The following LMO7 variants were observed in gnomAD, a reference collection of about 807,000 sequenced individuals.
LMO7 encodes the protein LIM domain 7.
Under a neutral mutation model 206.5 loss-of-function variants are expected in LMO7, and 120 were observed. The ratio of observed to expected loss-of-function variants is 0.58; its 90% CI spans 0.50 to 0.68. The LOEUF (loss-of-function observed/expected upper bound fraction) is 0.68. Ranked by LOEUF, LMO7 falls within the 30% of genes least tolerant of loss-of-function variation. The pLI is 0.00. For missense variants in LMO7, 1,959 were observed against 1,957.9 expected, an observed-to-expected ratio of 1.00 and a Z score of -0.01; for synonymous variants, 706 against 681.5, an observed-to-expected ratio of 1.04 and a Z score of -0.56.
chr13:75,667,489 T>C, intron 1 of LMO7, among the ~76,000 whole-genome samples: 1 of 152,236 alleles, frequency 6.6e-6, no homozygotes, highest in East Asian at 1.9e-4. Context: ...TAATTTCTAT[T>C]GATCTGTCTT....
At chr13:75,733,719 C>T (rs189531933) in intron 3 of LMO7, among the ~76,000 whole-genome samples, 8 of 152,344 alleles carry the variant, frequency 5.3e-5, no homozygotes, top group East Asian at 1.9e-4. Context: ...TCTTCTGCGT[C>T]GCTCATGCTG....
intron 4 of LMO7, among the ~76,000 whole-genome samples, chr13:75,786,617 C>T (rs1205497512): frequency 6.6e-6 from 1 of 152,014 alleles, no homozygotes; most frequent in Non-Finnish European, 1.5e-5. Flanking sequence ...GATCTCCTGA[C>T]CTCATGATCT....
At chr13:75,690,102 T>A (rs2139618389) in intron 1 of LMO7, among the ~76,000 whole-genome samples, 1 of 152,074 alleles carries the variant, frequency 6.6e-6, no homozygotes, top group African/African-American at 2.4e-5. Context: ...TTATTTTTAT[T>A]TTTATTTTAC....
At chr13:75,759,536 A>T (rs2047971607) in intron 3 of LMO7, among the ~76,000 whole-genome samples, 1 of 152,164 alleles carries the variant, frequency 6.6e-6, no homozygotes, top group Non-Finnish European at 1.5e-5. Flanking sequence ...TGAGCTGTTC[A>T]ACTTTTGACT....
chr13:75,678,580 T>G (rs1484669149), intron 1 of LMO7, among the ~76,000 whole-genome samples: 1 of 152,164 alleles, frequency 6.6e-6, no homozygotes, highest in African/African-American at 2.4e-5. Flanking sequence ...ACAGAGCAGG[T>G]GCCTTTTCTG....
At chr13:75,724,418 A>G (rs1466816435) in intron 2 of LMO7, among the ~76,000 whole-genome samples, 1 of 152,124 alleles carries the variant, frequency 6.6e-6, no homozygotes, top group East Asian at 1.9e-4. Flanking sequence ...TCCTTGACTG[A>G]TTCTAGATCC....
rs1292122401 is a variant in LMO7 at position 75,842,890 on chromosome 13, A to T, written c.4071A>T (p.Ala1357=). ...DSYDIPKTEE[A]SSGFLPGDRN... ...ATGATATACCAAAGACAGAAGAAGCATCTTCAGGTTTTCTTCCTGGTGACA... is the reference window on the plus strand; with the variant it reads ...ATGATATACCAAAGACAGAAGAAGCTTCTTCAGGTTTTCTTCCTGGTGACA... The change falls in exon 25 of 31, where the codon GCA becomes GCT. Residue 1357 remains alanine (A), a synonymous_variant. Coordinates refer to ENST00000377534, the MANE Select transcript of LMO7 (RefSeq NM_001306080.2). 6.2e-7 allele frequency: 1 copy of T among 1,608,088 alleles called. No homozygotes were observed. The highest frequency in any genetic ancestry group is 8.5e-7 in the Non-Finnish European group (1 of 1,174,854).
intron 4 of LMO7, among the ~76,000 whole-genome samples, chr13:75,777,037 C>T (rs2050603585): frequency 6.6e-6 from 1 of 152,238 alleles, no homozygotes; most frequent in Non-Finnish European, 1.5e-5. Context: ...TTTGCAATGT[C>T]AGCCAGTGAG....
intron 8 of LMO7, chr13:75,805,120 T>C (rs1171384084): frequency 8.6e-6 from 9 of 1,042,710 alleles, no homozygotes; most frequent in East Asian, 7.7e-5. Context: ...CCTGCTGATA[T>C]GTTTGCCATG....
chr13:75,854,316 A>G (rs1719741754), intron 28 of LMO7, among the ~76,000 whole-genome samples: 1 of 152,236 alleles, frequency 6.6e-6, no homozygotes, highest in South Asian at 2.1e-4. Context: ...AAATAATTTT[A>G]CAGGTACTAG....
chr13:75,780,899 C>T (rs147950739), intron 4 of LMO7, among the ~76,000 whole-genome samples: 335 of 152,266 alleles, frequency 2.2e-3, no homozygotes, highest in Non-Finnish European at 3.7e-3. Flanking sequence ...ATTACTATTG[C>T]TCAATTCCTC....
chr13:75,627,353 C>T (rs1225822859), intron 2 of LMO7: 1 of 152,140 alleles, frequency 6.6e-6, no homozygotes, highest in Admixed American at 6.5e-5. Flanking sequence ...TTTAAGGAGG[C>T]TAGACTAAGC....
chr13:75,834,464 TCAATAA>T, intron 17 of LMO7, 77 bp downstream of exon 17: 1 of 1,107,060 alleles, frequency 9.0e-7, no homozygotes, highest in Non-Finnish European at 1.3e-6. Context: ...ACAATTTGCT[TCAATAA>T]CTTTTTATTT....
Position 75,826,065 on chromosome 13 carries a change from G to A in LMO7, c.2949+2192G>A, listed in dbSNP as rs369522031. 3.3e-5 allele frequency among the ~76,000 whole-genome samples: 5 copies of A among 151,342 alleles called. No homozygotes were observed. The East Asian group carries it at 9.7e-4, about 29-fold the overall frequency. On this transcript the variant is annotated intron_variant, in intron 15 of 30. Coordinates refer to ENST00000377534, the MANE Select transcript of LMO7 (RefSeq NM_001306080.2). ...ATTAATTAATTGATTTTTTTAGATA[G>A]GGTCTTGCTCTGTTGCCCAGGCTGT...
intron 3 of LMO7, among the ~76,000 whole-genome samples, chr13:75,733,489 A>G (rs1435260228): frequency 6.6e-6 from 1 of 152,194 alleles, no homozygotes; most frequent in East Asian, 1.9e-4. Context: ...AAAGCACAGT[A>G]TTGAGGTGGG....
rs570692199 is a variant in LMO7 at position 75,844,679 on chromosome 13, G to A, written c.4098-648G>A. ...CCGCCTCAGCCTCCCAAAGTGCTGGGATTACAGGAGTGAGCCACCAAGCCC... is the reference window on the plus strand; with the variant it reads ...CCGCCTCAGCCTCCCAAAGTGCTGGAATTACAGGAGTGAGCCACCAAGCCC... On this transcript the variant is annotated intron_variant, in intron 25 of 30. Transcript: ENST00000377534. 2.0e-5 allele frequency among the ~76,000 whole-genome samples: 3 copies of A among 152,206 alleles called. No homozygotes were observed. In the South Asian group the frequency reaches 6.2e-4, roughly 32 times the overall value.
intron 26 of LMO7, among the ~76,000 whole-genome samples, chr13:75,847,216 A>T (rs1190396215): frequency 2.0e-5 from 3 of 152,208 alleles, no homozygotes; most frequent in Non-Finnish European, 4.4e-5. Context: ...AAATGTAGAG[A>T]AAGAAAATAA....
rs749296451 is a variant in LMO7 at position 75,841,875 on chromosome 13, A to G, written c.3923A>G (p.Gln1308Arg). The G allele has an allele frequency of 4.6e-5, 75 of 1,613,950 alleles. No individual in the cohort carries two copies. Among genetic ancestry groups the G allele is most frequent in the Non-Finnish European group, 3.9e-5 (46 of 1,179,938 alleles). ...CAACAGCTTCAGGAAGAGCAAGAGC[A>G]AAAGCGGCTTCAGGCTGAGGCTGAG... ...WEQQLQEEQE[Q>R]KRLQAEAEEQ... The change falls in exon 24 of 31, where the codon CAA becomes CGA. Residue 1308 changes from glutamine to arginine, a missense_variant. Transcript: ENST00000377534.
At chr13:75,658,900 C>G (rs2038310295) in intron 1 of LMO7, among the ~76,000 whole-genome samples, 2 of 152,092 alleles carry the variant, frequency 1.3e-5, no homozygotes, top group Admixed American at 6.6e-5. Context: ...TCAGCTATAT[C>G]TTCTAATTGG....
Sources: gnomAD v4.1 joint callset for allele counts (sites outside exome capture counted in the v4.1 genomes callset) on GRCh38, gnomAD v4.1.1 for gene constraint, MANE v1.5 for transcripts, NCBI Gene and HGNC (gene_info 2026-07-23, HGNC 2026-07-21) for gene names.